The following ANK2 variants were observed in gnomAD, a reference collection of about 807,000 sequenced individuals.
ANK2 encodes the protein ankyrin-2.
ANK2 carries 83 observed loss-of-function variants against 360.5 expected under a neutral mutation model. The observed-to-expected ratio is 0.23, with a 90% CI of 0.19 to 0.28. The LOEUF (loss-of-function observed/expected upper bound fraction) is 0.28, where lower values mean the gene tolerates loss of function less well. Among genes scored for constraint, ANK2 ranks in the 10% least tolerant of loss-of-function variants. The pLI, the probability that ANK2 is intolerant of heterozygous loss-of-function variation, is 1.00. For missense variants in ANK2, 4,201 were observed against 4,795.7 expected (o/e 0.88, Z 3.66); for synonymous variants, 1,740 against 1,759.5 (o/e 0.99, Z 0.28).
Position 113,232,175 on chromosome 4 carries a change from T to A in ANK2, c.399T>A (p.Pro133=), listed in dbSNP as rs2153534620. 2 of 1,598,940 alleles carry A rather than the reference T, an allele frequency of 1.3e-6. No individual in the cohort carries two copies. Among genetic ancestry groups the A allele is most frequent in the Non-Finnish European group, 1.7e-6 (2 of 1,166,248 alleles). The change falls in exon 5 of 46, where the codon CCT becomes CCA. Residue 133 remains proline, a synonymous_variant. Coordinates refer to ENST00000357077, the MANE Select transcript of ANK2 (RefSeq NM_001148.6). Reference sequence around the variant, plus strand: ...CTTGTCCTCAGAATGGCTTTACTCCTTTATACATGGCTGCCCAAGAGAATC... The same window carrying A: ...CTTGTCCTCAGAATGGCTTTACTCCATTATACATGGCTGCCCAAGAGAATC... The part of the protein sequence containing the change: ...INAQSQNGFT[P]LYMAAQENHI...
chr4:113,244,080 AC>A (rs1418591512), intron 9 of ANK2, among the ~76,000 whole-genome samples: 1 of 152,248 alleles, frequency 6.6e-6, no homozygotes, highest in Non-Finnish European at 1.5e-5. Flanking sequence ...TAAAAAGAGT[AC>A]TAAGAAATGA....
chr4:113,128,613 C>A (rs1011998836), intron 1 of ANK2, among the ~76,000 whole-genome samples: 1 of 152,082 alleles, frequency 6.6e-6, no homozygotes, highest in African/African-American at 2.4e-5. Context: ...CCTTAGCCTC[C>A]CGAGTAGCTG....
chr4:112,884,711 C>T (rs1215860354), intron 1 of ANK2, among the ~76,000 whole-genome samples: 1 of 152,080 alleles, frequency 6.6e-6, no homozygotes, highest in Non-Finnish European at 1.5e-5. Flanking sequence ...TTCACATTTG[C>T]TTACATATAT....
intron 14 of ANK2, among the ~76,000 whole-genome samples, chr4:113,266,064 C>T (rs184788341): frequency 2.6e-5 from 4 of 152,186 alleles, no homozygotes; most frequent in Admixed American, 6.5e-5. Flanking sequence ...CCCATCAACC[C>T]GTCATCTACA....
At chr4:113,034,691 T>G (rs1048934927) in intron 2 of ANK2, 1 of 151,952 alleles carries the variant, frequency 6.6e-6, no homozygotes, top group Non-Finnish European at 1.5e-5. Flanking sequence ...ACCTGATTAT[T>G]TTCCACTTAA....
At chr4:113,015,003 C>T (rs988888141) in intron 2 of ANK2, among the ~76,000 whole-genome samples, 7 of 151,968 alleles carry the variant, frequency 4.6e-5, no homozygotes, top group East Asian at 3.9e-4. Context: ...GGACTACAGG[C>T]GCCCGCCACC....
chr4:112,890,186 C>A (rs2079546087), intron 1 of ANK2, among the ~76,000 whole-genome samples: 1 of 152,122 alleles, frequency 6.6e-6, no homozygotes, highest in African/African-American at 2.4e-5. Context: ...ACGAACATAA[C>A]ATTTCTTGCC....
chr4:112,964,124 T>A (rs1035400136), intron 2 of ANK2, among the ~76,000 whole-genome samples: 10 of 146,522 alleles, frequency 6.8e-5, no homozygotes, highest in African/African-American at 2.5e-4. Flanking sequence ...AGGTGGTGTG[T>A]ACATTTATGG....
chr4:113,190,922 C>A (rs1334829440), intron 2 of ANK2, among the ~76,000 whole-genome samples: 1 of 152,068 alleles, frequency 6.6e-6, no homozygotes, highest in East Asian at 1.9e-4. Flanking sequence ...TTCTTTGAGC[C>A]TTATAGAAAT....
rs992226330 is a variant in ANK2 at position 113,139,025 on chromosome 4, T to A, written c.85-35391T>A. 2.0e-5 allele frequency among the ~76,000 whole-genome samples: 3 copies of A among 152,122 alleles called. No individual in the cohort carries two copies. In the East Asian group the frequency reaches 5.8e-4, roughly 29 times the overall value. ...AATAGTAAGACATTATTTGGGGAGG[T>A]TGATTATAAATGATCATTAGTACAA... On this transcript the variant is annotated intron_variant, in intron 1 of 45. Transcript: ENST00000357077.
At chr4:113,164,557 G>GC (rs1325911065) in intron 1 of ANK2, among the ~76,000 whole-genome samples, 1 of 152,162 alleles carries the variant, frequency 6.6e-6, no homozygotes, top group Non-Finnish European at 1.5e-5. Context: ...AGTGATGTCT[G>GC]CTTCAGAGCA....
At chr4:112,997,354 T>A (rs1376760193) in intron 2 of ANK2, among the ~76,000 whole-genome samples, 2 of 152,150 alleles carry the variant, frequency 1.3e-5, no homozygotes, top group Admixed American at 6.6e-5. Flanking sequence ...CTTGAATTTG[T>A]GAAATTTCTG....
intron 2 of ANK2, among the ~76,000 whole-genome samples, chr4:112,961,897 T>A (rs2035013907): frequency 6.6e-6 from 1 of 152,172 alleles, no homozygotes; most frequent in Admixed American, 6.5e-5. Context: ...TCTAATTTAA[T>A]TTGTTTGATT....
chr4:112,728,613 G>A, the ANK2 span, among the ~76,000 whole-genome samples: 7 of 151,882 alleles, frequency 4.6e-5, no homozygotes, highest in Non-Finnish European at 1.0e-4. Context: ...TTAGCCAGGC[G>A]TGGTGACTTG....
intron 1 of ANK2, among the ~76,000 whole-genome samples, chr4:113,115,694 T>C (rs2094694306): frequency 6.6e-6 from 1 of 152,202 alleles, no homozygotes; most frequent in East Asian, 1.9e-4. Context: ...AGAGTTGCTC[T>C]CTTACTATCT....
At chr4:112,781,990 C>T in the ANK2 span, among the ~76,000 whole-genome samples, 28 of 151,754 alleles carry the variant, frequency 1.8e-4, no homozygotes, top group African/African-American at 2.9e-4. Context: ...CCACCATGCC[C>T]GGCTAGTTTT....
intron 9 of ANK2, among the ~76,000 whole-genome samples, chr4:113,243,920 T>C (rs151117480): frequency 6.6e-6 from 1 of 152,310 alleles, no homozygotes; most frequent in African/African-American, 2.4e-5. Context: ...TATTAATGCT[T>C]TTTGGAGTAT....
At chr4:112,872,504 A>C (rs1006693863) in intron 1 of ANK2, among the ~76,000 whole-genome samples, 1 of 151,860 alleles carries the variant, frequency 6.6e-6, no homozygotes, top group African/African-American at 2.4e-5. Flanking sequence ...CGCCTGGCTA[A>C]TTTTGTATTT....
At chr4:113,279,782 A>G (rs2061563476) in intron 17 of ANK2, among the ~76,000 whole-genome samples, 1 of 151,086 alleles carries the variant, frequency 6.6e-6, no homozygotes, top group African/African-American at 2.4e-5. Context: ...TTTTGATGCC[A>G]ATAAACAGTT....
Sources: gnomAD v4.1 joint callset for allele counts (sites outside exome capture counted in the v4.1 genomes callset) on GRCh38, gnomAD v4.1.1 for gene constraint, MANE v1.5 for transcripts, NCBI Gene and HGNC (gene_info 2026-07-23, HGNC 2026-07-21) for gene names.